SYK: variants seen among roughly 807,000 people sequenced by gnomAD.
SYK encodes tyrosine-protein kinase SYK.
A neutral mutation model predicts 77.8 loss-of-function variants in SYK; 16 were observed. The observed-to-expected ratio is 0.21, with a 90% confidence interval of 0.14 to 0.31. The LOEUF (loss-of-function observed/expected upper bound fraction) is 0.31, where lower values mean the gene tolerates loss of function less well. Among genes scored for constraint, SYK ranks in the 10% least tolerant of loss-of-function variants. SYK has a pLI of 1.00. For missense variants in SYK, 529 were observed against 814.4 expected (o/e 0.65, Z 4.26); for synonymous variants, 312 against 308.7 (o/e 1.01, Z -0.11).
intron 11 of SYK, among the ~76,000 whole-genome samples, chr9:90,884,338 T>C (rs903820920): frequency 6.8e-6 from 1 of 147,008 alleles, no homozygotes; most frequent in African/African-American, 2.5e-5. Context: ...CGTGTATATA[T>C]ACACACATAC....
chr9:90,831,799 C>A (rs1487709278), intron 1 of SYK, among the ~76,000 whole-genome samples: 1 of 152,204 alleles, frequency 6.6e-6, no homozygotes, highest in East Asian at 1.9e-4. Context: ...AACACATTTT[C>A]TTTTCTCTTG....
intron 9 of SYK, among the ~76,000 whole-genome samples, chr9:90,876,299 AAAAAAAAG>A (rs1464741567): frequency 1.1e-4 from 13 of 114,978 alleles, no homozygotes; most frequent in Non-Finnish European, 1.9e-4. Flanking sequence ...AAAAAAAAAA[AAAAAAAAG>A]AAAGAAAGAA....
rs1211000607 is a variant in SYK, at chr9:90,895,743, C to T, written c.*143C>T. 6 of 725,958 alleles carry T rather than the reference C, an allele frequency of 8.3e-6. No individual in the cohort carries two copies. Among genetic ancestry groups the T allele is most frequent in the Non-Finnish European group, 1.4e-5 (6 of 431,048 alleles). The allele number at this position is 725,958 out of a possible 1,614,324, so 45.0% of individuals were successfully genotyped here. On this transcript the variant is annotated 3_prime_UTR_variant, in exon 14 of 14. Transcript: ENST00000375754. The surrounding 1 kb of genome is among the most constrained non-coding windows in gnomAD (Gnocchi z 4.4). Reference sequence around the variant, plus strand: ...TGGAACATGCCCACAACTTGTCACCCAAAGCCTGTCCCAGGACTCACCCTC... The same window carrying T: ...TGGAACATGCCCACAACTTGTCACCTAAAGCCTGTCCCAGGACTCACCCTC...
chr9:90,837,029 A>C (rs748687938), intron 1 of SYK, among the ~76,000 whole-genome samples: 6 of 151,816 alleles, frequency 4.0e-5, no homozygotes, highest in Non-Finnish European at 8.8e-5. Flanking sequence ...AATATAGTAT[A>C]TGATACATAT....
At chr9:90,848,620 G>A in intron 3 of SYK, among the ~76,000 whole-genome samples, 1 of 152,166 alleles carries the variant, frequency 6.6e-6, no homozygotes. Flanking sequence ...TTCTCCTAAC[G>A]AATGTGCTCA....
intron 1 of SYK, among the ~76,000 whole-genome samples, chr9:90,813,617 T>C (rs1028797361): frequency 1.3e-5 from 2 of 152,182 alleles, no homozygotes; most frequent in Non-Finnish European, 2.9e-5. Flanking sequence ...AGAGATGCTG[T>C]ATGCAAAGCA....
chr9:90,818,579 A>G (rs566138522), intron 1 of SYK, among the ~76,000 whole-genome samples: 2 of 152,364 alleles, frequency 1.3e-5, no homozygotes, highest in Admixed American at 6.5e-5. Flanking sequence ...GGCTCTGCTC[A>G]TGCATAATCT....
intron 11 of SYK, among the ~76,000 whole-genome samples, chr9:90,884,218 C>CATATACACACATACACATACGTGTAT (rs1828296441): frequency 2.4e-5 from 1 of 42,104 alleles, no homozygotes; most frequent in African/African-American, 1.4e-4. Context: ...TATATACACG[C>CATATACACACATACACATACGTGTAT]ATATACACAT....
intron 1 of SYK, among the ~76,000 whole-genome samples, chr9:90,842,485 G>GTGTGTA (rs1250960770): frequency 6.6e-6 from 1 of 151,480 alleles, no homozygotes; most frequent in East Asian, 1.9e-4. Context: ...TATGTAGTTT[G>GTGTGTA]TGTGTATGTG....
intron 1 of SYK, among the ~76,000 whole-genome samples, chr9:90,834,897 T>C (rs928075747): frequency 2.6e-5 from 4 of 152,220 alleles, no homozygotes; most frequent in African/African-American, 9.7e-5. Context: ...CACATCAGAT[T>C]TGTGTCCACA....
At chr9:90,876,456 C>T (rs756495594) in intron 9 of SYK, among the ~76,000 whole-genome samples, 7 of 134,108 alleles carry the variant, frequency 5.2e-5, no homozygotes, top group South Asian at 2.2e-4. Flanking sequence ...TATATACATG[C>T]GCACATATAT....
intron 1 of SYK, among the ~76,000 whole-genome samples, chr9:90,829,915 A>G (rs759539684): frequency 1.3e-5 from 2 of 152,208 alleles, no homozygotes; most frequent in African/African-American, 2.4e-5. Context: ...GAAAATGTCT[A>G]TGTGTTGGTT....
Position 90,895,541 on chromosome 9 carries a change from C to T in SYK, c.1849C>T (p.Pro617Ser). 1 of 1,614,092 alleles carries T rather than the reference C, an allele frequency of 6.2e-7. No homozygotes were observed. Among genetic ancestry groups the T allele is most frequent in the South Asian group, 1.1e-5 (1 of 91,072 alleles). ...CTTCCATTCCAGTGTGGAAAACAGG[C>T]CCGGATTCGCAGCAGTGGAACTGCG... ...LCWTYDVENR[P>S]GFAAVELRLR... Residue 617 changes from proline (P) to serine (S), a missense_variant, in exon 14 of 14, where the codon CCC becomes TCC. Transcript: ENST00000375754. The surrounding 1 kb of genome is among the most constrained non-coding windows in gnomAD (Gnocchi z 4.4).
chr9:90,819,333 C>CTT (rs1564071691), intron 1 of SYK, among the ~76,000 whole-genome samples: 2 of 152,096 alleles, frequency 1.3e-5, no homozygotes, highest in Non-Finnish European at 2.9e-5. Context: ...AATCAATAAC[C>CTT]ATGATGCTTT....
intron 4 of SYK, among the ~76,000 whole-genome samples, chr9:90,863,921 A>G (rs1485748048): frequency 6.6e-6 from 1 of 152,240 alleles, no homozygotes; most frequent in Non-Finnish European, 1.5e-5. Flanking sequence ...GTCCTTCCCA[A>G]GAATCTTTAC....
chr9:90,805,552 G>T (rs1023818291), intron 1 of SYK, among the ~76,000 whole-genome samples: 1 of 152,210 alleles, frequency 6.6e-6, no homozygotes, highest in African/African-American at 2.4e-5. Context: ...AATATCCACA[G>T]TTTAAATATT....
At chr9:90,813,174 G>C (rs890395606) in intron 1 of SYK, among the ~76,000 whole-genome samples, 1 of 151,988 alleles carries the variant, frequency 6.6e-6, no homozygotes, top group Non-Finnish European at 1.5e-5. Context: ...AAGCAATTTC[G>C]CTCCTGGTTG....
At chr9:90,883,592 AC>A (rs1828241565) in intron 11 of SYK, among the ~76,000 whole-genome samples, 1 of 151,856 alleles carries the variant, frequency 6.6e-6, no homozygotes, top group Admixed American at 6.6e-5. Flanking sequence ...CCTAGAGACC[AC>A]CCCTCCCTGC....
chr9:90,802,393 C>G (rs1450855428), intron 1 of SYK, among the ~76,000 whole-genome samples: 1 of 152,204 alleles, frequency 6.6e-6, no homozygotes, highest in Non-Finnish European at 1.5e-5. Flanking sequence ...TCTTTTACTA[C>G]AAAAAGAAAC....
Sources: allele counts gnomAD v4.1 joint callset (sites outside exome capture counted in the v4.1 genomes callset), GRCh38; gene constraint gnomAD v4.1.1; non-coding constraint Gnocchi (gnomAD v3.1); transcripts MANE v1.5; gene names NCBI Gene and HGNC (gene_info 2026-07-23, HGNC 2026-07-21).